Variants in NADK2 observed in about 807,000 individuals in gnomAD.
The protein encoded by NADK2 is NAD kinase domain-containing protein 1, mitochondrial.
NADK2 carries 35 observed loss-of-function variants against 62.1 expected under a neutral mutation model. The ratio of observed to expected loss-of-function variants is 0.56; its 90% confidence interval spans 0.43 to 0.75. The LOEUF (loss-of-function observed/expected upper bound fraction) is 0.75. NADK2 is among the 30% of genes least tolerant of loss of function. The probability of loss-of-function intolerance (pLI) is 0.00; values close to 1 mark genes in which losing one functional copy is unlikely to be tolerated. For missense variants in NADK2, 439 were observed against 561.3 expected, an observed-to-expected ratio of 0.78 and a Z score of 2.20; for synonymous variants, 205 against 207.9, an observed-to-expected ratio of 0.99 and a Z score of 0.12.
Position 36,197,565 on chromosome 5 carries a change from C to A in NADK2, c.1166G>T (p.Ser389Ile). The A allele has an allele frequency of 6.2e-7, 1 of 1,612,372 alleles. No individual in the cohort carries two copies. The highest frequency in any genetic ancestry group is 8.5e-7 in the Non-Finnish European group (1 of 1,178,952). ...CTTTGAGGAGAAACAACGCTGACGA[C>A]TGCTTGAGAAAACTCTATTTGCTAT... ...EPIANRVFSS[S>I]RQRCFSSKVC... Residue 389 changes from serine (S) to isoleucine (I), a missense_variant, in exon 11 of 12, where the codon AGT becomes ATT. By Grantham distance (142) the Ser-to-Ile change is moderately radical (BLOSUM62 -2). Transcript: ENST00000381937.
At chr5:36,214,846 G>T (rs143370189) in intron 6 of NADK2, among the ~76,000 whole-genome samples, 1 of 152,190 alleles carries the variant, frequency 6.6e-6, no homozygotes, top group African/African-American at 2.4e-5. Context: ...TGGACAGTGA[G>T]ATGAGTTAAA....
intron 5 of NADK2, 115 bp from the exon 6 acceptor site, chr5:36,217,999 A>G: frequency 1.1e-6 from 1 of 901,856 alleles, no homozygotes; most frequent in Non-Finnish European, 1.6e-6. Context: ...CAGTTATTCC[A>G]TGAATAAATT....
At chr5:36,203,623 C>T (rs1420087153) in intron 8 of NADK2, among the ~76,000 whole-genome samples, 1 of 151,978 alleles carries the variant, frequency 6.6e-6, no homozygotes, top group African/African-American at 2.4e-5. Context: ...TTAATCTAAC[C>T]CATACTTATC....
At chr5:36,217,643 TTAA>T in intron 6 of NADK2, 102 bp downstream of exon 6, 1 of 1,232,720 alleles carries the variant, frequency 8.1e-7, no homozygotes, top group Admixed American at 1.9e-5. Flanking sequence ...TTAAGTGCTA[TTAA>T]TGACACTAAA....
intron 8 of NADK2, among the ~76,000 whole-genome samples, chr5:36,206,311 T>TAAA (rs11397432): frequency 6.9e-6 from 1 of 144,658 alleles, no homozygotes; most frequent in African/African-American, 2.5e-5. Flanking sequence ...TTTTTAAAGT[T>TAAA]AAAAAAAAAA....
rs138999073 is a variant in NADK2, at chr5:36,224,506, G to A, written c.560+1036C>T. 8.0e-5 allele frequency among the ~76,000 whole-genome samples: 12 copies of A among 150,162 alleles called. No homozygotes were observed. In the East Asian group the frequency reaches 2.0e-3, roughly 25 times the overall value. On this transcript the variant is annotated intron_variant, in intron 4 of 11. Coordinates refer to ENST00000381937, the MANE Select transcript of NADK2 (RefSeq NM_001085411.3). ...CAGGAGGCAGAGGTTGCAGTGTGCT[G>A]AGAGTGCGCCACTGCACTCCAGCCT...
At chr5:36,219,345 G>A (rs889967625) in intron 5 of NADK2, among the ~76,000 whole-genome samples, 9 of 152,026 alleles carry the variant, frequency 5.9e-5, no homozygotes, top group Non-Finnish European at 1.5e-5. Context: ...CAAGTAGCTG[G>A]GACTACAGGT....
intron 4 of NADK2, 29 bp from the exon 5 acceptor site, chr5:36,219,708 T>C: frequency 6.3e-7 from 1 of 1,576,306 alleles, no homozygotes; most frequent in Non-Finnish European, 8.7e-7. Flanking sequence ...TTTTTGGTGA[T>C]ATAAAGAGGA....
In NADK2 at chr5:36,241,565, G is replaced by C. The variant is rs1298431796; in HGVS notation, c.234C>G (p.Thr78=). The change falls in exon 1 of 12, where the codon ACC becomes ACG. Residue 78 remains threonine, a synonymous_variant. Coordinates refer to ENST00000381937, the MANE Select transcript of NADK2 (RefSeq NM_001085411.3). The surrounding 1 kb of genome is among the most constrained non-coding windows in gnomAD (Gnocchi z 4.9). ...ACCGCTGCTGCTCGAACTCGTACCG[G>C]GTGGTTTTGGCCACCACCACCACCC... is the stretch of plus-strand genomic sequence containing the variant. ...PSRVVVVAKT[T]RYEFEQQRYR... 5.1e-6 allele frequency: 8 copies of C among 1,555,912 alleles called. No individual in the cohort carries two copies. The South Asian group carries it at 8.1e-5, about 16-fold the overall frequency.
At chr5:36,234,913 C>A (rs1205396037) in intron 1 of NADK2, among the ~76,000 whole-genome samples, 1 of 152,108 alleles carries the variant, frequency 6.6e-6, no homozygotes, top group African/African-American at 2.4e-5. Flanking sequence ...TCCCTGTACT[C>A]CCATGGATCA....
Position 36,227,516 on chromosome 5 carries a change from A to G in NADK2, c.350T>C (p.Ile117Thr), listed in dbSNP as rs369570324. Residue 117 changes from isoleucine to threonine, a missense_variant, in exon 2 of 12, where the codon ATT becomes ACT. By Grantham distance (89) the Ile-to-Thr change is moderately conservative (BLOSUM62 -1). Transcript: ENST00000381937. The stretch of plus-strand genomic sequence containing the variant: ...AATATGTTCTACATTTTTGGTGTGA[A>G]TATGATGTCGTTCAAGAAGTCCACT... ...SYSGLLERHH[I>T]HTKNVEHIID... The G allele has an allele frequency of 1.5e-5, 24 of 1,558,624 alleles. No individual in the cohort carries two copies. In the African/African-American group the frequency reaches 3.1e-4, roughly 20 times the overall value.
Position 36,207,205 on chromosome 5 carries a change from C to G in NADK2, c.921G>C (p.Gly307=). The G allele has an allele frequency of 6.2e-7, 1 of 1,613,200 alleles. No individual in the cohort carries two copies. The highest frequency in any genetic ancestry group is 8.5e-7 in the Non-Finnish European group (1 of 1,179,464). Residue 307 remains glycine, a synonymous_variant, in exon 8 of 12, where the codon GGG becomes GGC. Coordinates refer to ENST00000381937, the MANE Select transcript of NADK2 (RefSeq NM_001085411.3). ...ATCCTGTTCCAGTACACAAATTGAG[C>G]CCTGAACTCTTCTGTTTTTCCCATG... is the stretch of plus-strand genomic sequence containing the variant. ...DGPWEKQKSS[G]LNLCTGTGSK...
Position 36,194,044 on chromosome 5 carries a change from T to C in NADK2, c.*1100A>G, listed in dbSNP as rs1462025357. ...TTGATTATGCAACGACAGGATCTTT[T>C]GGCAAAAATTCTAGGATTACTTATA... On this transcript the variant is annotated 3_prime_UTR_variant, in exon 12 of 12. Transcript: ENST00000381937. The C allele has an allele frequency of 2.0e-5, 3 of 152,430 alleles. No homozygotes were observed. Among genetic ancestry groups the C allele is most frequent in the Admixed American group, 6.5e-5 (1 of 15,270 alleles). 9.4% of individuals were successfully genotyped at this position (152,430 alleles called of 1,614,324 possible). A position where few individuals can be genotyped will look rare whatever the true frequency, so the allele number is the denominator to read the frequency against.
At chr5:36,233,639 T>A (rs1320711897) in intron 1 of NADK2, among the ~76,000 whole-genome samples, 1 of 152,228 alleles carries the variant, frequency 6.6e-6, no homozygotes, top group East Asian at 1.9e-4. Flanking sequence ...TTATTTAAAA[T>A]ATATTTTTAA....
intron 1 of NADK2, among the ~76,000 whole-genome samples, chr5:36,238,694 T>C (rs986943429): frequency 2.0e-5 from 3 of 152,202 alleles, no homozygotes; most frequent in African/African-American, 7.2e-5. Context: ...ATTGTAATAA[T>C]AGTTTTACTG....
chr5:36,207,259 G>T lies in NADK2; in HGVS notation c.867C>A (p.Ser289=), dbSNP rs760037089. 1 of 1,611,094 alleles carries T rather than the reference G, an allele frequency of 6.2e-7. No individual in the cohort carries two copies. The highest frequency in any genetic ancestry group is 2.2e-5 in the East Asian group (1 of 44,806). ...FIGESLSSRA[S]YYEISVDDGP... is the part of the protein sequence containing the mutation. Reference sequence around the variant, plus strand: ...CATCATCAACTGAAATCTCATAGTAGGAAGCCCTGTGAATTGAGAATATAA... The same window carrying T: ...CATCATCAACTGAAATCTCATAGTATGAAGCCCTGTGAATTGAGAATATAA... The change falls in exon 8 of 12, where the codon TCC becomes TCA. Residue 289 remains serine (S), a synonymous_variant. Transcript: ENST00000381937.
At chr5:36,207,104 G>T in intron 8 of NADK2, 66 bp downstream of exon 8, 1 of 1,370,648 alleles carries the variant, frequency 7.3e-7, no homozygotes, top group South Asian at 1.2e-5. Context: ...GCCTTAGATG[G>T]GCCAAAATAT....
chr5:36,209,525 C>A (rs1746762296), intron 7 of NADK2, among the ~76,000 whole-genome samples: 1 of 152,060 alleles, frequency 6.6e-6, no homozygotes. Flanking sequence ...TAGACTTTCT[C>A]CAATCTCATT....
rs1006404185 is a variant in NADK2, at chr5:36,192,909, A to G, written c.*2235T>C. 3.9e-5 allele frequency: 6 copies of G among 152,194 alleles called. No individual in the cohort carries two copies. Among genetic ancestry groups the G allele is most frequent in the Non-Finnish European group, 7.4e-5 (5 of 68,018 alleles). The allele number at this position is 152,194 out of a possible 1,614,324, so 9.4% of individuals were successfully genotyped here. The stretch of plus-strand genomic sequence containing the variant: ...GTAACAGTGGAGTAATTTTATTCAC[A>G]TAGGGTTGCGATTAAAAGGTTAACT... On this transcript the variant is annotated 3_prime_UTR_variant, in exon 12 of 12. Transcript: ENST00000381937.
Sources: gnomAD v4.1 joint callset for allele counts (sites outside exome capture counted in the v4.1 genomes callset) on GRCh38, gnomAD v4.1.1 for gene constraint, Gnocchi (gnomAD v3.1) non-coding constraint, MANE v1.5 for transcripts, NCBI Gene and HGNC (gene_info 2026-07-23, HGNC 2026-07-21) for gene names.